SORT1: variants seen among roughly 807,000 people sequenced by gnomAD.
SORT1 encodes the protein sortilin.
Under a neutral mutation model 101.7 loss-of-function variants are expected in SORT1, and 39 were observed. That is an observed-to-expected ratio of 0.38 (90% CI 0.30 to 0.50). The LOEUF (loss-of-function observed/expected upper bound fraction) is 0.50. Ranked by LOEUF, SORT1 falls within the 20% of genes least tolerant of loss-of-function variation. SORT1 has a pLI of 0.90. For synonymous variants in SORT1, 396 were observed against 393.7 expected (o/e 1.01, Z -0.07); for missense variants, 878 against 1,040.4 (o/e 0.84, Z 2.15).
chr1:109,310,404 C>CT lies in SORT1; in HGVS notation c.*3638dup, dbSNP rs1352257032. ...CTAGGGCAGGATGGTGCTCCTAGAG[C>CT]TACCTGAGCTGGACAAACCCATGGC... On this transcript the variant is annotated 3_prime_UTR_variant, in exon 20 of 20. Transcript: ENST00000256637. 6.5e-5 allele frequency: 10 copies of CT among 155,018 alleles called. No individual in the cohort carries two copies. The highest frequency in any genetic ancestry group is 2.4e-4 in the African/African-American group (10 of 41,426). 9.6% of individuals were successfully genotyped at this position (155,018 alleles called of 1,614,324 possible). A position where few individuals can be genotyped will look rare whatever the true frequency, so the allele number is the denominator to read the frequency against.
intron 3 of SORT1, among the ~76,000 whole-genome samples, chr1:109,361,022 A>G (rs773505408): frequency 2.0e-5 from 3 of 152,198 alleles, no homozygotes; most frequent in Non-Finnish European, 1.5e-5. Flanking sequence ...CTCTTTATCA[A>G]ATGGTCACTT....
chr1:109,339,759 T>C (rs928558792), intron 10 of SORT1, among the ~76,000 whole-genome samples: 1 of 152,204 alleles, frequency 6.6e-6, no homozygotes, highest in Non-Finnish European at 1.5e-5. Context: ...ACTGAAAGCA[T>C]TGACTTAAAC....
intron 9 of SORT1, 141 bp from the exon 10 acceptor site, chr1:109,341,020 A>T: frequency 1.6e-6 from 1 of 638,756 alleles, no homozygotes; most frequent in Non-Finnish European, 2.6e-6. Flanking sequence ...CAGACCTGAG[A>T]ATTAATCAAG....
chr1:109,367,059 CTACAAAAAA>C (rs943057912), intron 3 of SORT1: 20 of 176,138 alleles, frequency 1.1e-4, no homozygotes, highest in Non-Finnish European at 2.0e-4. Flanking sequence ...AACCCTGTCT[CTACAAAAAA>C]TACAAAAAAT....
At chr1:109,347,826 T>G (rs147343995) in intron 6 of SORT1, among the ~76,000 whole-genome samples, 1 of 152,124 alleles carries the variant, frequency 6.6e-6, no homozygotes, top group Non-Finnish European at 1.5e-5. Flanking sequence ...TCATCACAAC[T>G]GAGGGGTGGG....
chr1:109,351,965 G>GGGGTGTGTGTGTGTGTGT (rs932648162), intron 5 of SORT1, among the ~76,000 whole-genome samples: 80 of 147,508 alleles, frequency 5.4e-4, no homozygotes, highest in African/African-American at 2.0e-3. Flanking sequence ...GAGAGGTAGG[G>GGGGTGTGTGTGTGTGTGT]GTGTGTGTGT....
At chr1:109,350,426 G>A (rs1649882846) in intron 6 of SORT1, among the ~76,000 whole-genome samples, 1 of 152,150 alleles carries the variant, frequency 6.6e-6, no homozygotes, top group Admixed American at 6.5e-5. Flanking sequence ...TCTTTAAGCA[G>A]GCACCCGGAG....
intron 1 of SORT1, among the ~76,000 whole-genome samples, chr1:109,382,859 AG>A (rs1263286729): frequency 6.6e-6 from 1 of 152,206 alleles, no homozygotes; most frequent in Non-Finnish European, 1.5e-5. Flanking sequence ...GACTCATCCA[AG>A]CATTTATTGC....
At chr1:109,328,586 T>C (rs1164295033) in intron 11 of SORT1, among the ~76,000 whole-genome samples, 1 of 152,238 alleles carries the variant, frequency 6.6e-6, no homozygotes, top group African/African-American at 2.4e-5. Flanking sequence ...TTGTTTGTTG[T>C]TGAGTTGTAG....
chr1:109,325,169 T>C, intron 13 of SORT1, 80 bp from the exon 14 acceptor site: 1 of 849,994 alleles, frequency 1.2e-6, no homozygotes, highest in Admixed American at 2.9e-5. Flanking sequence ...GGCTTTTTGA[T>C]CCCAAACCAG....
At chr1:109,382,836 A>C (rs1652326689) in intron 1 of SORT1, among the ~76,000 whole-genome samples, 1 of 152,082 alleles carries the variant, frequency 6.6e-6, no homozygotes, top group African/African-American at 2.4e-5. Flanking sequence ...CACCTTGAAA[A>C]CGGATGATAT....
chr1:109,354,333 C>T, intron 5 of SORT1, 34 bp downstream of exon 5: 1 of 1,578,698 alleles, frequency 6.3e-7, no homozygotes, highest in Non-Finnish European at 8.7e-7. Flanking sequence ...CTATAAAATG[C>T]AAAAGGCAAA....
At chr1:109,391,156 C>T (rs956748305) in intron 1 of SORT1, among the ~76,000 whole-genome samples, 7 of 151,994 alleles carry the variant, frequency 4.6e-5, no homozygotes, top group Non-Finnish European at 8.8e-5. Flanking sequence ...AAGGAACAAA[C>T]GGTAAAATAT....
chr1:109,344,689 C>G (rs1165206826), intron 8 of SORT1, among the ~76,000 whole-genome samples: 4 of 152,150 alleles, frequency 2.6e-5, no homozygotes, highest in Non-Finnish European at 5.9e-5. Context: ...CTGATACACA[C>G]ACACTCACAT....
In SORT1 at chr1:109,310,291, C is replaced by T. The variant is rs888736023; in HGVS notation, c.*3752G>A. On this transcript the variant is annotated 3_prime_UTR_variant, in exon 20 of 20. Transcript: ENST00000256637. ...AAGTTGTTTCGAATTAATGTTCTGA[C>T]TCTTGTTATTATAATGCAACCTAAC... The T allele has an allele frequency of 9.1e-5, 14 of 153,252 alleles. No homozygotes were observed. The highest frequency in any genetic ancestry group is 3.4e-4 in the African/African-American group (14 of 41,428). The allele number at this position is 153,252 out of a possible 1,614,324, so 9.5% of individuals were successfully genotyped here.
At chr1:109,353,978 A>C (rs4970751) in intron 5 of SORT1, among the ~76,000 whole-genome samples, 98,219 of 151,902 alleles carry the variant, frequency 0.65, 33,612 homozygotes, top group East Asian at 0.96. Flanking sequence ...TGAGGACATA[A>C]CAAAAAAGAA....
At position 109,322,940 on chromosome 1, in the gene SORT1, G is replaced by A. The variant is rs1647736492; in HGVS notation, c.2016C>T (p.Asp672=). The A allele has an allele frequency of 1.2e-6, 2 of 1,612,148 alleles. No homozygotes were observed. The highest frequency in any genetic ancestry group is 1.7e-5 in the Admixed American group (1 of 59,970). The change falls in exon 15 of 20, where the codon GAC becomes GAT. Residue 672 remains aspartate, a synonymous_variant. Transcript: ENST00000256637. ...CTGAGGAATGCTGATACCAGAGAAA[G>A]TCCTCCAGGGAACAGAGGCAGATGG... The part of the protein sequence containing the change: ...QPSICLCSLE[D]FLCDFGYYRP...
chr1:109,395,669 CCA>C (rs1164090169), intron 1 of SORT1, among the ~76,000 whole-genome samples: 1 of 152,156 alleles, frequency 6.6e-6, no homozygotes, highest in Non-Finnish European at 1.5e-5. Context: ...GTCTACTCTT[CCA>C]CAGATTTGGC....
At chr1:109,397,531 G>A in intron 1 of SORT1, 56 bp downstream of exon 1, 1 of 1,073,730 alleles carries the variant, frequency 9.3e-7, no homozygotes, top group Non-Finnish European at 1.1e-6. Context: ...GGGCCGGGAG[G>A]GGCACGCGGG....
Sources: gnomAD v4.1 joint callset for allele counts (sites outside exome capture counted in the v4.1 genomes callset) on GRCh38, gnomAD v4.1.1 for gene constraint, MANE v1.5 for transcripts, NCBI Gene and HGNC (gene_info 2026-07-23, HGNC 2026-07-21) for gene names.